The following PSPC1 variants were observed in gnomAD, a reference collection of about 807,000 sequenced individuals.
PSPC1 encodes paraspeckle protein 1.
A neutral mutation model predicts 51.6 loss-of-function variants in PSPC1; 14 were observed. That is an observed-to-expected ratio of 0.27 (90% CI 0.18 to 0.42). The LOEUF (loss-of-function observed/expected upper bound fraction) is 0.42. PSPC1 is among the 10% of genes least tolerant of loss of function. The pLI is 1.00. For missense variants in PSPC1, 406 were observed against 701.1 expected (o/e 0.58, Z 4.75); for synonymous variants, 193 against 231.9 (o/e 0.83, Z 1.53).
intron 7 of PSPC1, chr13:19,675,062 G>C (rs561536800): frequency 6.5e-6 from 1 of 152,740 alleles, no homozygotes; most frequent in African/African-American, 2.4e-5. Flanking sequence ...TCATCTGTCC[G>C]CCTGGCACCA....
At chr13:19,728,480 A>ATTTTAATG (rs1168384155) in intron 6 of PSPC1, among the ~76,000 whole-genome samples, 4 of 114,412 alleles carry the variant, frequency 3.5e-5, no homozygotes, top group African/African-American at 1.1e-4. Flanking sequence ...ACACACACAC[A>ATTTTAATG]CACACAGCAT....
chr13:19,676,147 T>C (rs925989453), intron 7 of PSPC1, among the ~76,000 whole-genome samples: 2 of 152,354 alleles, frequency 1.3e-5, no homozygotes, highest in Non-Finnish European at 2.9e-5. Flanking sequence ...AGACAGCTTA[T>C]GTACACAATT....
At chr13:19,710,688 T>C (rs371265032) in intron 6 of PSPC1, among the ~76,000 whole-genome samples, 14 of 152,260 alleles carry the variant, frequency 9.2e-5, no homozygotes, top group African/African-American at 3.4e-4. Context: ...TTAAAAAAAC[T>C]GCCTAACTTA....
rs1294742426 is a variant in PSPC1 at position 19,702,806 on chromosome 13, C to G, written c.*369G>C. ...TTAATGATAGGATTAGTTAAAGCAA[C>G]CAAAGCATTACTGTTACAGCAAAGT... is the stretch of plus-strand genomic sequence containing the variant. On this transcript the variant is annotated 3_prime_UTR_variant, in exon 9 of 9. Coordinates refer to ENST00000338910, the MANE Select transcript of PSPC1 (RefSeq NM_001354909.2). 1.2e-5 allele frequency: 2 copies of G among 170,600 alleles called. No individual in the cohort carries two copies. Among genetic ancestry groups the G allele is most frequent in the African/African-American group, 4.8e-5 (2 of 41,644 alleles). The allele number at this position is 170,600 out of a possible 1,614,324, so 10.6% of individuals were successfully genotyped here.
At chr13:19,754,069 G>C (rs1886829937) in intron 3 of PSPC1, among the ~76,000 whole-genome samples, 1 of 151,370 alleles carries the variant, frequency 6.6e-6, no homozygotes, top group Non-Finnish European at 1.5e-5. Flanking sequence ...TGCTTTGTGA[G>C]CATTTTCTTT....
chr13:19,674,361 T>C (rs893378967), downstream of PSPC1, among the ~76,000 whole-genome samples: 2 of 152,216 alleles, frequency 1.3e-5, no homozygotes, highest in Non-Finnish European at 2.9e-5. Flanking sequence ...TTATACACTA[T>C]CCTCGCAAGT....
intron 6 of PSPC1, among the ~76,000 whole-genome samples, chr13:19,720,208 A>C (rs1882596968): frequency 6.6e-6 from 1 of 152,214 alleles, no homozygotes; most frequent in Non-Finnish European, 1.5e-5. Context: ...ACCAAAGTTC[A>C]CATAATACTG....
downstream of PSPC1, chr13:19,673,284 ATTG>A: frequency 2.7e-6 from 1 of 369,372 alleles, no homozygotes; most frequent in South Asian, 2.0e-5. Flanking sequence ...GAAGTTGAAA[ATTG>A]TTTTGTTCCT....
chr13:19,775,806 T>C (rs1233934216), intron 1 of PSPC1, among the ~76,000 whole-genome samples: 1 of 152,086 alleles, frequency 6.6e-6, no homozygotes, highest in Non-Finnish European at 1.5e-5. Context: ...ATCCCAACAC[T>C]TTGGGAGGCC....
intron 6 of PSPC1, among the ~76,000 whole-genome samples, chr13:19,691,945 G>A (rs1204610811): frequency 6.6e-6 from 1 of 152,012 alleles, no homozygotes; most frequent in African/African-American, 2.4e-5. Flanking sequence ...AAAAATATCT[G>A]GGAGACGGAG....
At chr13:19,760,518 ACT>A (rs1887516218) in intron 2 of PSPC1, among the ~76,000 whole-genome samples, 1 of 148,648 alleles carries the variant, frequency 6.7e-6, no homozygotes, top group African/African-American at 2.5e-5. Context: ...ACAGAGTGAG[ACT>A]CTGTCACCAA....
rs1266079448 is a variant in PSPC1, at chr13:19,694,351, C to G, written c.1159-16528G>C. Among the ~76,000 whole-genome samples the G allele has an allele frequency of 2.0e-5, 3 of 151,810 alleles. No individual in the cohort carries two copies. The East Asian group carries it at 5.8e-4, about 29-fold the overall frequency. On this transcript the variant is annotated intron_variant and NMD_transcript_variant, in intron 6 of 7. Coordinates refer to the PSPC1 transcript ENST00000471658. The stretch of plus-strand genomic sequence containing the variant: ...AAGATCAGGGCCAAGAAAAATATTT[C>G]AAACCACATGTGAAATATTAAACTT...
chr13:19,759,861 C>CAAA (rs60889099), intron 2 of PSPC1, among the ~76,000 whole-genome samples: 7 of 131,726 alleles, frequency 5.3e-5, no homozygotes, highest in South Asian at 2.4e-4. Context: ...GACTCCATCA[C>CAAA]AAAAAAAAAA....
At chr13:19,675,670 G>C (rs1242433517) in intron 7 of PSPC1, 1 of 152,206 alleles carries the variant, frequency 6.6e-6, no homozygotes, top group Non-Finnish European at 1.5e-5. Flanking sequence ...AAGAGACAGA[G>C]TCTTCACTAG....
intron 6 of PSPC1, among the ~76,000 whole-genome samples, chr13:19,724,188 G>A (rs1883090197): frequency 6.6e-6 from 1 of 152,208 alleles, no homozygotes; most frequent in African/African-American, 2.4e-5. Flanking sequence ...AAGAGGGACA[G>A]CCATGTGGAA....
intron 1 of PSPC1, among the ~76,000 whole-genome samples, chr13:19,781,676 T>C (rs1416378503): frequency 6.6e-6 from 1 of 152,172 alleles, no homozygotes; most frequent in Non-Finnish European, 1.5e-5. Flanking sequence ...AATAGCAGGC[T>C]GCACTGAGGT....
intron 2 of PSPC1, among the ~76,000 whole-genome samples, chr13:19,770,896 CA>C (rs369598478): frequency 5.5e-4 from 67 of 121,422 alleles, no homozygotes; most frequent in East Asian, 1.2e-3. Context: ...GACTCGTCTC[CA>C]AAAAAAAAAA....
chr13:19,756,244 A>C (rs1475392054), intron 3 of PSPC1, among the ~76,000 whole-genome samples: 1 of 152,096 alleles, frequency 6.6e-6, no homozygotes, highest in Non-Finnish European at 1.5e-5. Context: ...TCAAAAAATA[A>C]ATAAGTAGGC....
intron 1 of PSPC1, among the ~76,000 whole-genome samples, chr13:19,777,580 T>C (rs959262060): frequency 2.6e-5 from 4 of 152,146 alleles, no homozygotes; most frequent in Non-Finnish European, 5.9e-5. Flanking sequence ...ATTTCCATAT[T>C]TCATTATTAT....
Sources: gnomAD v4.1 joint callset for allele counts (sites outside exome capture counted in the v4.1 genomes callset) on GRCh38, gnomAD v4.1.1 for gene constraint, MANE v1.5 for transcripts, NCBI Gene and HGNC (gene_info 2026-07-23, HGNC 2026-07-21) for gene names.